RPL26L1: variants seen among roughly 807,000 people sequenced by gnomAD.
RPL26L1 encodes ribosomal protein L26 like 1, also known as ribosomal protein uL24-like.
A neutral mutation model predicts 15.2 loss-of-function variants in RPL26L1; 8 were observed. That is an observed-to-expected ratio of 0.53 (90% CI 0.31 to 0.95). RPL26L1 has a LOEUF of 0.95. RPL26L1 is among the 40% of genes least tolerant of loss of function. The pLI is 0.05. For synonymous variants in RPL26L1, 51 were observed against 65.9 expected (o/e 0.77, Z 1.09); for missense variants, 146 against 190.9 (o/e 0.76, Z 1.39).
intron 2 of RPL26L1, among the ~76,000 whole-genome samples, chr5:172,961,719 G>T (rs574585423): frequency 6.6e-6 from 1 of 152,210 alleles, no homozygotes; most frequent in Non-Finnish European, 1.5e-5. Context: ...TGTTCTCTAC[G>T]TAGGTAAAGA....
intron 2 of RPL26L1, among the ~76,000 whole-genome samples, chr5:172,963,403 G>T (rs960030446): frequency 4.6e-5 from 7 of 151,084 alleles, no homozygotes; most frequent in African/African-American, 1.7e-4. Context: ...TAAAATCATT[G>T]ACTGCAAGGC....
intron 2 of RPL26L1, among the ~76,000 whole-genome samples, chr5:172,960,307 G>C (rs1157626021): frequency 6.6e-6 from 1 of 152,154 alleles, no homozygotes; most frequent in Non-Finnish European, 1.5e-5. Flanking sequence ...GTAGAGATAG[G>C]GTCTTGCTAT....
chr5:172,954,295 C>G (rs562621557), upstream of RPL26L1, among the ~76,000 whole-genome samples: 1 of 152,082 alleles, frequency 6.6e-6, no homozygotes, highest in African/African-American at 2.4e-5. Flanking sequence ...GGAGGCCGGA[C>G]GCGATGGTTC....
intron 2 of RPL26L1, among the ~76,000 whole-genome samples, chr5:172,960,802 T>G (rs1163488825): frequency 6.6e-6 from 1 of 151,486 alleles, no homozygotes; most frequent in Non-Finnish European, 1.5e-5. Flanking sequence ...TACCAGAGAT[T>G]GTTCTAGGAC....
chr5:172,966,313 A>ATTT (rs386405707), intron 2 of RPL26L1, among the ~76,000 whole-genome samples: 2,861 of 63,620 alleles, frequency 0.045, 806 homozygotes, highest in East Asian at 0.055. Flanking sequence ...CTGGCTAACT[A>ATTT]TTTTTTTTTT....
intron 2 of RPL26L1, among the ~76,000 whole-genome samples, chr5:172,962,887 G>A (rs1755296645): frequency 6.7e-6 from 1 of 150,010 alleles, no homozygotes; most frequent in Non-Finnish European, 1.5e-5. Context: ...ACATTTTACT[G>A]TATGTAAATG....
intron 2 of RPL26L1, among the ~76,000 whole-genome samples, chr5:172,968,222 T>A (rs1048124143): frequency 6.6e-6 from 1 of 152,148 alleles, no homozygotes; most frequent in Non-Finnish European, 1.5e-5. Flanking sequence ...AGTTTTGTAT[T>A]CTCCTTTTTC....
At chr5:172,968,885 G>A (rs527722685) in intron 3 of RPL26L1, among the ~76,000 whole-genome samples, 75 of 126,526 alleles carry the variant, frequency 5.9e-4, no homozygotes, top group Non-Finnish European at 9.7e-4. Flanking sequence ...TCGGCTCACT[G>A]CAACCTCCAC....
upstream of RPL26L1, chr5:172,954,780 C>T: frequency 2.6e-6 from 1 of 382,136 alleles, no homozygotes; most frequent in South Asian, 1.9e-5. Context: ...TGGCATACAA[C>T]ATTTAAGGGA....
chr5:172,958,491 G>A (rs1488771005), upstream of RPL26L1: 1 of 455,214 alleles, frequency 2.2e-6, no homozygotes, highest in African/African-American at 2.0e-5. Flanking sequence ...GAGAGTTGGA[G>A]TTAATAACAC....
At chr5:172,958,476 A>C, upstream of RPL26L1, 2 of 455,820 alleles carry the variant, frequency 4.4e-6, no homozygotes, top group Middle Eastern at 3.3e-4. Context: ...TGAATGAACG[A>C]AAGGGAGAGT....
chr5:172,963,105 C>T (rs1019986151), intron 2 of RPL26L1, among the ~76,000 whole-genome samples: 6 of 151,868 alleles, frequency 4.0e-5, no homozygotes, highest in Admixed American at 1.3e-4. Context: ...TGGCCAGGCG[C>T]GGTGGCTCAC....
At chr5:172,960,154 C>T (rs1355388521) in intron 2 of RPL26L1, 113 bp downstream of exon 2, 3 of 1,277,488 alleles carry the variant, frequency 2.3e-6, no homozygotes, top group Admixed American at 3.6e-5. Context: ...TGTGACCCTT[C>T]AGATGTGTTA....
chr5:172,955,222 A>C, upstream of RPL26L1: 2 of 332,332 alleles, frequency 6.0e-6, no homozygotes, highest in South Asian at 4.6e-5. Flanking sequence ...TCTACCTCCC[A>C]GATTCAAGCA....
At chr5:172,966,490 G>T (rs1206044828) in intron 2 of RPL26L1, among the ~76,000 whole-genome samples, 1 of 152,014 alleles carries the variant, frequency 6.6e-6, no homozygotes, top group African/African-American at 2.4e-5. Flanking sequence ...TTGGCCAGGT[G>T]CAGTGGCTCA....
upstream of RPL26L1, chr5:172,955,285 T>G (rs575804893): frequency 2.0e-4 from 58 of 287,858 alleles, no homozygotes; most frequent in Non-Finnish European, 3.3e-4. Flanking sequence ...CCCACCACCA[T>G]GCCCAGCTAA....
chr5:172,968,388 T>C, intron 2 of RPL26L1, 71 bp from the exon 3 acceptor site: 2 of 1,576,834 alleles, frequency 1.3e-6, no homozygotes, highest in South Asian at 2.3e-5. Flanking sequence ...CATGTGTTCC[T>C]GATGGTTAGC....
intron 2 of RPL26L1, among the ~76,000 whole-genome samples, chr5:172,961,332 G>A (rs1309632766): frequency 1.3e-5 from 2 of 152,150 alleles, no homozygotes; most frequent in Admixed American, 6.5e-5. Context: ...ATACTTATAG[G>A]GGATAGGTAG....
upstream of RPL26L1, chr5:172,958,566 T>C (rs7731785): frequency 0.066 from 24,120 of 367,048 alleles, 1,875 homozygotes; most frequent in African/African-American, 0.25. Context: ...GCCCTTTTCC[T>C]TCCCTGCCGC....
Sources: allele counts gnomAD v4.1 joint callset (sites outside exome capture counted in the v4.1 genomes callset), GRCh38; gene constraint gnomAD v4.1.1; transcripts MANE v1.5; gene names NCBI Gene and HGNC (gene_info 2026-07-23, HGNC 2026-07-21).